The following ANKRD36C variants were observed in gnomAD, a reference collection of about 807,000 sequenced individuals.
ANKRD36C encodes the protein ankyrin repeat domain 36C.
ANKRD36C carries 61 observed loss-of-function variants against 276.4 expected under a neutral mutation model. The ratio of observed to expected loss-of-function variants is 0.22; its 90% CI spans 0.18 to 0.27. The LOEUF (loss-of-function observed/expected upper bound fraction) is 0.27. ANKRD36C is among the 10% of genes least tolerant of loss of function. The pLI, the probability that ANKRD36C is intolerant of heterozygous loss-of-function variation, is 1.00. For missense variants in ANKRD36C, 1,447 were observed against 2,032.3 expected (o/e 0.71, Z 5.54); for synonymous variants, 483 against 680.1 (o/e 0.71, Z 4.51).
chr2:95,916,321 T>C, intron 36 of ANKRD36C, 150 bp from the exon 39 acceptor site: 2 of 1,386,878 alleles, frequency 1.4e-6, no homozygotes, highest in Non-Finnish European at 9.9e-7. Flanking sequence ...GACTAGAACA[T>C]GACAGAAATA....
chr2:95,983,659 G>A (rs1678968923), intron 3 of ANKRD36C, among the ~76,000 whole-genome samples: 1 of 151,666 alleles, frequency 6.6e-6, no homozygotes, highest in Non-Finnish European at 1.5e-5. Flanking sequence ...CGCCCAGGCT[G>A]GAGTGCAGTG....
chr2:95,911,136 C>T (rs537213041), intron 42 of ANKRD36C, among the ~76,000 whole-genome samples: 25 of 151,564 alleles, frequency 1.6e-4, no homozygotes, highest in Non-Finnish European at 1.5e-4. Flanking sequence ...AGATAATAAT[C>T]ATTATCTCTC....
At chr2:95,981,844 A>G (rs1678929638) in intron 4 of ANKRD36C, among the ~76,000 whole-genome samples, 1 of 152,088 alleles carries the variant, frequency 6.6e-6, no homozygotes, top group South Asian at 2.1e-4. Flanking sequence ...CCCCATATCA[A>G]TTAAAAGCAA....
At chr2:95,953,248 A>G (rs1558654414) in intron 14 of ANKRD36C, among the ~76,000 whole-genome samples, 1 of 152,138 alleles carries the variant, frequency 6.6e-6, no homozygotes, top group South Asian at 2.1e-4. Flanking sequence ...ACTTTTTAAA[A>G]TTAGAGATAA....
chr2:95,918,225 C>T (rs1301986913), intron 34 of ANKRD36C, among the ~76,000 whole-genome samples, 183 bp from the exon 37 acceptor site: 1 of 151,622 alleles, frequency 6.6e-6, no homozygotes, highest in African/African-American at 2.4e-5. Context: ...GGAATACAGG[C>T]TCCATCAAAT....
chr2:95,851,530 C>T (rs1433693388), intron 66 of ANKRD36C, among the ~76,000 whole-genome samples, 164 bp downstream of exon 86: 1 of 152,162 alleles, frequency 6.6e-6, no homozygotes, highest in Non-Finnish European at 1.5e-5. Flanking sequence ...TGTTTAGACT[C>T]AGGTACCATC....
chr2:95,933,466 T>C (rs549866880), intron 24 of ANKRD36C, among the ~76,000 whole-genome samples: 2 of 152,278 alleles, frequency 1.3e-5, no homozygotes, highest in Admixed American at 6.5e-5. Flanking sequence ...CAGTGGTTTG[T>C]AGTGTTCCTT....
chr2:95,870,337 C>T (rs1196031022), intron 59 of ANKRD36C, among the ~76,000 whole-genome samples: 2 of 152,198 alleles, frequency 1.3e-5, no homozygotes, highest in African/African-American at 4.8e-5. Flanking sequence ...AACGATCACA[C>T]AGCAGCATTC....
exon 41 of ANKRD36C, chr2:95,912,410 C>T (rs1676958312): frequency 6.2e-7 from 1 of 1,604,318 alleles, no homozygotes; most frequent in Non-Finnish European, 8.5e-7. Flanking sequence ...TCATTACCTT[C>T]AAGGCTGGTT....
chr2:95,912,412 A>T (rs1676958383), exon 41 of ANKRD36C: 1 of 1,604,504 alleles, frequency 6.2e-7, no homozygotes, highest in Admixed American at 1.7e-5. Flanking sequence ...ATTACCTTCA[A>T]GGCTGGTTTT....
At chr2:95,869,057 G>C (rs1675744989) in intron 59 of ANKRD36C, among the ~76,000 whole-genome samples, 1 of 151,480 alleles carries the variant, frequency 6.6e-6, no homozygotes, top group Non-Finnish European at 1.5e-5. Context: ...AGATAAATTT[G>C]CTAGTTTTCT....
intron 38 of ANKRD36C, 147 bp downstream of exon 40, chr2:95,915,833 C>T (rs1284370948): frequency 1.4e-5 from 16 of 1,180,308 alleles, no homozygotes; most frequent in East Asian, 2.6e-5. Context: ...GCAGCAACAG[C>T]GTAACCCAAG....
At chr2:95,864,148 T>G (rs1675639507) in intron 60 of ANKRD36C, among the ~76,000 whole-genome samples, 1 of 152,020 alleles carries the variant, frequency 6.6e-6, no homozygotes, top group Non-Finnish European at 1.5e-5. Context: ...AATAAAAGTC[T>G]TTATAATAAA....
chr2:95,884,418 T>G, intron 52 of ANKRD36C, 50 bp from the exon 73 acceptor site: 1 of 1,609,100 alleles, frequency 6.2e-7, no homozygotes, highest in Non-Finnish European at 8.5e-7. Flanking sequence ...TATGATAAAG[T>G]TATTCATACA....
At chr2:95,893,098 T>C (rs1430785818) in intron 44 of ANKRD36C, among the ~76,000 whole-genome samples, 2 of 151,306 alleles carry the variant, frequency 1.3e-5, no homozygotes, top group Non-Finnish European at 3.0e-5. Context: ...CTTGGGAAAA[T>C]GATTGCTACA....
chr2:95,873,285 C>G (rs544620625), intron 59 of ANKRD36C, among the ~76,000 whole-genome samples: 1 of 152,216 alleles, frequency 6.6e-6, no homozygotes, highest in South Asian at 2.1e-4. Flanking sequence ...ATGGGCAAAC[C>G]AAATCCAGCA....
intron 6 of ANKRD36C, among the ~76,000 whole-genome samples, chr2:95,972,605 T>C (rs1210631329): frequency 1.3e-5 from 2 of 152,166 alleles, no homozygotes; most frequent in Non-Finnish European, 2.9e-5. Flanking sequence ...ACAGAGGTGG[T>C]CTTGGGAAAC....
chr2:95,969,028 G>C (rs1015604745), intron 6 of ANKRD36C, among the ~76,000 whole-genome samples: 2 of 152,150 alleles, frequency 1.3e-5, no homozygotes, highest in African/African-American at 2.4e-5. Flanking sequence ...TATTGGAGAG[G>C]ATCCAGGCAG....
intron 6 of ANKRD36C, among the ~76,000 whole-genome samples, chr2:95,974,957 T>C (rs1678775860): frequency 6.6e-6 from 1 of 151,936 alleles, no homozygotes; most frequent in East Asian, 1.9e-4. Flanking sequence ...TCCAGCTTTA[T>C]CCATGTCCCT....
Sources: gnomAD v4.1 joint callset for allele counts (sites outside exome capture counted in the v4.1 genomes callset) on GRCh38, gnomAD v4.1.1 for gene constraint, MANE v1.5 for transcripts, NCBI Gene and HGNC (gene_info 2026-07-23, HGNC 2026-07-21) for gene names.